KCTD8: variants seen among roughly 807,000 people sequenced by gnomAD.
KCTD8 encodes the protein potassium channel tetramerization domain containing 8, also known as BTB/POZ domain-containing protein KCTD8.
KCTD8 carries 27 observed loss-of-function variants against 31.5 expected under a neutral mutation model. The ratio of observed to expected loss-of-function variants is 0.86; its 90% CI spans 0.63 to 1.18. The LOEUF (loss-of-function observed/expected upper bound fraction) is 1.18. Ranked by LOEUF, KCTD8 falls within the 50% of genes most tolerant of loss-of-function variation. The pLI is 0.00. For missense variants in KCTD8, 658 were observed against 647.7 expected, an observed-to-expected ratio of 1.02 and a Z score of -0.17; for synonymous variants, 290 against 280.0, an observed-to-expected ratio of 1.04 and a Z score of -0.36.
At chr4:44,341,939 A>G (rs1483705658) in intron 1 of KCTD8, among the ~76,000 whole-genome samples, 4 of 152,234 alleles carry the variant, frequency 2.6e-5, no homozygotes, top group African/African-American at 9.6e-5. Flanking sequence ...TAGGAAATGT[A>G]TCTCTTAAAT....
chr4:44,332,694 T>C (rs1718619322), intron 1 of KCTD8, among the ~76,000 whole-genome samples: 1 of 151,938 alleles, frequency 6.6e-6, no homozygotes. Flanking sequence ...CACTCTATTA[T>C]CTCTTTCTTT....
intron 1 of KCTD8, among the ~76,000 whole-genome samples, chr4:44,429,514 T>C (rs1721421721): frequency 6.6e-6 from 1 of 151,778 alleles, no homozygotes; most frequent in Non-Finnish European, 1.5e-5. Context: ...CAAGCCAAAT[T>C]GGCATGTGCT....
At chr4:44,252,217 T>C (rs1203696716) in intron 1 of KCTD8, among the ~76,000 whole-genome samples, 2 of 151,834 alleles carry the variant, frequency 1.3e-5, no homozygotes, top group East Asian at 1.9e-4. Flanking sequence ...TGAGTGGTAT[T>C]CCATTGTATC....
intron 1 of KCTD8, among the ~76,000 whole-genome samples, chr4:44,369,593 C>T (rs1053140162): frequency 4.6e-5 from 7 of 152,070 alleles, no homozygotes; most frequent in African/African-American, 1.7e-4. Flanking sequence ...ATCACTTGAG[C>T]CCAGGAGTTC....
chr4:44,297,118 G>T (rs1717457494), intron 1 of KCTD8, among the ~76,000 whole-genome samples: 1 of 151,858 alleles, frequency 6.6e-6, no homozygotes, highest in African/African-American at 2.4e-5. Context: ...CAATAATTAA[G>T]ACACCAACAC....
intron 1 of KCTD8, among the ~76,000 whole-genome samples, chr4:44,363,024 T>C (rs948872946): frequency 8.5e-5 from 13 of 152,108 alleles, no homozygotes; most frequent in Non-Finnish European, 1.9e-4. Flanking sequence ...TTTAAATTAT[T>C]TTTTAGATTG....
At chr4:44,279,262 T>C (rs766010246) in intron 1 of KCTD8, among the ~76,000 whole-genome samples, 2 of 152,050 alleles carry the variant, frequency 1.3e-5, no homozygotes, top group Non-Finnish European at 1.5e-5. Context: ...AACAAGGTTA[T>C]CTGTGTAAAG....
chr4:44,235,525 TTATATATATATATATATATA>T (rs752341720), intron 1 of KCTD8, among the ~76,000 whole-genome samples: 12,854 of 54,854 alleles, frequency 0.23, 1,655 homozygotes, highest in East Asian at 0.49. Context: ...AGACACTGGA[TTATATATATATATATATATA>T]TATATATATA....
intron 1 of KCTD8, among the ~76,000 whole-genome samples, chr4:44,352,178 T>C (rs1719221115): frequency 6.6e-6 from 1 of 152,010 alleles, no homozygotes; most frequent in African/African-American, 2.4e-5. Flanking sequence ...ATTAGCCATA[T>C]GGGCCAGACT....
intron 1 of KCTD8, among the ~76,000 whole-genome samples, chr4:44,268,736 C>T (rs965798093): frequency 6.6e-6 from 1 of 152,170 alleles, no homozygotes; most frequent in African/African-American, 2.4e-5. Flanking sequence ...CACAAACGTT[C>T]TTATACACCA....
chr4:44,384,080 C>T (rs1313319566), intron 1 of KCTD8, among the ~76,000 whole-genome samples: 1 of 151,572 alleles, frequency 6.6e-6, no homozygotes, highest in Non-Finnish European at 1.5e-5. Context: ...TCCTAATCAT[C>T]AGGGAAATGC....
At position 44,174,976 on chromosome 4, in the gene KCTD8, G is replaced by C; in HGVS notation, c.1236C>G (p.Leu412=). 1 of 1,614,158 alleles carries C rather than the reference G, an allele frequency of 6.2e-7. No individual in the cohort carries two copies. Among genetic ancestry groups the C allele is most frequent in the Non-Finnish European group, 8.5e-7 (1 of 1,180,002 alleles). Residue 412 remains leucine (L), a synonymous_variant, in exon 2 of 2, where the codon CTC becomes CTG. Coordinates refer to ENST00000360029, the MANE Select transcript of KCTD8 (RefSeq NM_198353.3). ...GGGACTTGCTGATGAGGGTCTGAAAGAGTTCACTGTTTCTGCGTTTGTCTG... is the reference window on the plus strand; with the variant it reads ...GGGACTTGCTGATGAGGGTCTGAAACAGTTCACTGTTTCTGCGTTTGTCTG... ...PPPDKRRNSE[L]FQTLISKSRE... is the part of the protein sequence containing the mutation.
At chr4:44,237,820 T>C (rs986027174) in intron 1 of KCTD8, among the ~76,000 whole-genome samples, 1 of 152,146 alleles carries the variant, frequency 6.6e-6, no homozygotes, top group African/African-American at 2.4e-5. Context: ...GATGACTCAT[T>C]AAATAAATCT....
At chr4:44,328,771 G>A (rs1718519110) in intron 1 of KCTD8, among the ~76,000 whole-genome samples, 1 of 151,896 alleles carries the variant, frequency 6.6e-6, no homozygotes, top group South Asian at 2.1e-4. Flanking sequence ...CTACCCATAA[G>A]TAATTTTGGA....
chr4:44,206,591 C>T (rs1297662248), intron 1 of KCTD8, among the ~76,000 whole-genome samples: 1 of 152,224 alleles, frequency 6.6e-6, no homozygotes, highest in East Asian at 1.9e-4. Context: ...GACAGGCTGA[C>T]TGCTCTTCCT....
chr4:44,316,205 CTT>C (rs1364931483), intron 1 of KCTD8, among the ~76,000 whole-genome samples: 1 of 151,976 alleles, frequency 6.6e-6, no homozygotes, highest in Non-Finnish European at 1.5e-5. Context: ...TGCTATATAT[CTT>C]AACTATGTTG....
chr4:44,243,987 G>T (rs1715578212), intron 1 of KCTD8, among the ~76,000 whole-genome samples: 1 of 152,158 alleles, frequency 6.6e-6, no homozygotes, highest in Admixed American at 6.5e-5. Flanking sequence ...TCGGAAGATG[G>T]CTTCACTTTA....
chr4:44,209,927 A>G (rs1045126175), intron 1 of KCTD8, among the ~76,000 whole-genome samples: 3 of 152,194 alleles, frequency 2.0e-5, no homozygotes, highest in African/African-American at 7.2e-5. Flanking sequence ...AAGCTACACT[A>G]TGGAGACTGA....
At chr4:44,236,103 GC>G (rs1279755622) in intron 1 of KCTD8, among the ~76,000 whole-genome samples, 1 of 152,150 alleles carries the variant, frequency 6.6e-6, no homozygotes. Flanking sequence ...GGATAAGGTT[GC>G]CCAGCAGGGG....
Sources: allele counts gnomAD v4.1 joint callset (sites outside exome capture counted in the v4.1 genomes callset), GRCh38; gene constraint gnomAD v4.1.1; transcripts MANE v1.5; gene names NCBI Gene and HGNC (gene_info 2026-07-23, HGNC 2026-07-21).